The following MYO9A variants were observed in gnomAD, a reference collection of about 807,000 sequenced individuals.
The protein encoded by MYO9A is unconventional myosin-IXa.
MYO9A carries 103 observed loss-of-function variants against 293.3 expected under a neutral mutation model. That is an observed-to-expected ratio of 0.35 (90% confidence interval 0.30 to 0.41). The LOEUF is 0.41. Among genes scored for constraint, MYO9A ranks in the 10% least tolerant of loss-of-function variants. The pLI is 1.00. For synonymous variants in MYO9A, 1,001 were observed against 1,035.7 expected (o/e 0.97, Z 0.64); for missense variants, 2,685 against 3,033.0 (o/e 0.89, Z 2.69).
At chr15:71,870,729 T>C (rs2056482872) in intron 32 of MYO9A, among the ~76,000 whole-genome samples, 1 of 152,230 alleles carries the variant, frequency 6.6e-6, no homozygotes, top group African/African-American at 2.4e-5. Flanking sequence ...ATATACTTTA[T>C]ATCTAGATTA....
intron 7 of MYO9A, 129 bp downstream of exon 7, chr15:72,010,221 G>A (rs553103821): frequency 2.3e-5 from 14 of 602,140 alleles, no homozygotes; most frequent in African/African-American, 9.3e-5. Flanking sequence ...AATAATGCTC[G>A]AGATGGATGA....
Position 71,898,106 on chromosome 15 carries a change from T to A in MYO9A, c.4397A>T (p.Tyr1466Phe). The A allele has an allele frequency of 6.2e-7, 1 of 1,614,178 alleles. No homozygotes were observed. Among genetic ancestry groups the A allele is most frequent in the Non-Finnish European group, 8.5e-7 (1 of 1,180,034 alleles). Reference sequence around the variant, plus strand: ...AATCTGATCTTTTCCTGAGCAGTGATACCTTCTAGTTTCCCTGTTGATATC... The same window carrying A: ...AATCTGATCTTTTCCTGAGCAGTGAAACCTTCTAGTTTCCCTGTTGATATC... ...TLDINRETRRYHCSGKDQIVP... is the reference protein window; with the variant it reads ...TLDINRETRRFHCSGKDQIVP... Residue 1466 changes from tyrosine to phenylalanine, a missense_variant, in exon 25 of 42, where the codon TAT (tyrosine) becomes TTT (phenylalanine). By Grantham distance (22) the Tyr-to-Phe change is conservative (BLOSUM62 3). This residue lies in a region of MYO9A where 1,434 missense variants were observed against 1,497.7 expected (regional missense o/e 0.96). Transcript: ENST00000356056.
At chr15:71,906,739 A>G (rs752483764) in intron 19 of MYO9A, among the ~76,000 whole-genome samples, 16 of 117,554 alleles carry the variant, frequency 1.4e-4, no homozygotes, top group Non-Finnish European at 2.8e-4. Context: ...TTATCCAATC[A>G]GATAATATCC....
intron 26 of MYO9A, chr15:71,893,245 GC>G: frequency 8.8e-7 from 1 of 1,134,380 alleles, no homozygotes; most frequent in East Asian, 5.8e-5. Flanking sequence ...TTGAGATGAT[GC>G]CAATGAAAGA....
At chr15:72,074,607 T>C (rs1391910194) in intron 1 of MYO9A, among the ~76,000 whole-genome samples, 4 of 152,214 alleles carry the variant, frequency 2.6e-5, no homozygotes, top group African/African-American at 9.6e-5. Flanking sequence ...AACCTAAAAA[T>C]TCTTCCCCAT....
intron 18 of MYO9A, among the ~76,000 whole-genome samples, chr15:71,917,538 C>CA (rs1385895069): frequency 6.6e-6 from 1 of 151,784 alleles, no homozygotes; most frequent in Non-Finnish European, 1.5e-5. Flanking sequence ...CTGTCAAAAA[C>CA]AAAAAACAAA....
chr15:71,952,733 C>A (rs1046401548), intron 14 of MYO9A, among the ~76,000 whole-genome samples: 35 of 152,156 alleles, frequency 2.3e-4, no homozygotes, highest in African/African-American at 8.4e-4. Context: ...TTTTAAAAAA[C>A]AAAGTACATA....
intron 11 of MYO9A, among the ~76,000 whole-genome samples, chr15:71,988,404 C>T (rs1372381841): frequency 6.6e-6 from 1 of 152,154 alleles, no homozygotes; most frequent in Non-Finnish European, 1.5e-5. Flanking sequence ...AAAAACAGTA[C>T]TGACTGATAA....
Position 71,852,112 on chromosome 15 carries a change from C to A in MYO9A, c.6475+20G>T, listed in dbSNP as rs374834568. 2.5e-6 allele frequency: 4 copies of A among 1,600,162 alleles called. No homozygotes were observed. In the African/African-American group the frequency reaches 5.4e-5, roughly 21 times the overall value. ...TCCCAACTATAGGCCTTCTCTCTAACCCAGGAAGCCTATGCTTACCCATAG... is the reference window on the plus strand; with the variant it reads ...TCCCAACTATAGGCCTTCTCTCTAAACCAGGAAGCCTATGCTTACCCATAG... On this transcript the variant is annotated intron_variant, in intron 36 of 41. Coordinates refer to ENST00000356056, the MANE Select transcript of MYO9A (RefSeq NM_006901.4).
At chr15:72,037,931 C>A (rs1217172155) in intron 2 of MYO9A, among the ~76,000 whole-genome samples, 1 of 133,306 alleles carries the variant, frequency 7.5e-6, no homozygotes, top group Admixed American at 7.8e-5. Context: ...TTTTTTTTCT[C>A]TGAGACAGGG....
chr15:71,980,825 G>T (rs946166085), intron 11 of MYO9A, among the ~76,000 whole-genome samples: 3 of 152,154 alleles, frequency 2.0e-5, no homozygotes, highest in African/African-American at 7.2e-5. Flanking sequence ...GCTGCAGAGC[G>T]AGACTCTGTC....
intron 1 of MYO9A, among the ~76,000 whole-genome samples, chr15:72,050,830 G>A (rs189844789): frequency 2.2e-4 from 34 of 152,174 alleles, no homozygotes; most frequent in Admixed American, 5.9e-4. Context: ...ACAATGCTCC[G>A]GAGAAGTCAC....
intron 18 of MYO9A, among the ~76,000 whole-genome samples, chr15:71,928,156 C>G (rs1176954838): frequency 7.9e-6 from 1 of 125,838 alleles, no homozygotes; most frequent in Non-Finnish European, 1.7e-5. Context: ...CGGCTCACTG[C>G]AAGCTCCGCT....
At chr15:72,056,662 A>G (rs1441828349) in intron 1 of MYO9A, among the ~76,000 whole-genome samples, 2 of 152,202 alleles carry the variant, frequency 1.3e-5, no homozygotes, top group Non-Finnish European at 2.9e-5. Context: ...GTGCACCAAA[A>G]TCTCAGAAAT....
At chr15:72,097,071 G>A (rs2080087560) in intron 1 of MYO9A, among the ~76,000 whole-genome samples, 2 of 152,202 alleles carry the variant, frequency 1.3e-5, no homozygotes, top group South Asian at 2.1e-4. Context: ...AACGAAGTAT[G>A]TATAATATTA....
chr15:72,104,612 G>A (rs879585236), intron 1 of MYO9A, among the ~76,000 whole-genome samples: 3 of 152,136 alleles, frequency 2.0e-5, no homozygotes, highest in Non-Finnish European at 4.4e-5. Flanking sequence ...CTGATTAAAC[G>A]AAGTAAAAGA....
At chr15:71,965,607 G>A (rs1023887371) in intron 13 of MYO9A, among the ~76,000 whole-genome samples, 1 of 152,146 alleles carries the variant, frequency 6.6e-6, no homozygotes, top group Non-Finnish European at 1.5e-5. Flanking sequence ...TTCGCTGGGC[G>A]TGGTGGAGTA....
intron 18 of MYO9A, among the ~76,000 whole-genome samples, chr15:71,921,026 G>T (rs1031542486): frequency 2.0e-5 from 3 of 152,120 alleles, no homozygotes; most frequent in Non-Finnish European, 2.9e-5. Flanking sequence ...GTTTGAGCAT[G>T]AATTTTGAGA....
At chr15:71,912,258 G>GTTTTTTTTTTTTT (rs34858713) in intron 19 of MYO9A, among the ~76,000 whole-genome samples, 1 of 145,692 alleles carries the variant, frequency 6.9e-6, no homozygotes. Flanking sequence ...AAAGAGAAAA[G>GTTTTTTTTTTTTT]TTTTTTTTTT....
Sources: gnomAD v4.1 joint callset for allele counts (sites outside exome capture counted in the v4.1 genomes callset) on GRCh38, gnomAD v4.1.1 for gene constraint, gnomAD v4.1.1 regional missense constraint, MANE v1.5 for transcripts, NCBI Gene and HGNC (gene_info 2026-07-23, HGNC 2026-07-21) for gene names.